Variants in TSHZ2 observed in about 807,000 individuals in gnomAD.
The protein encoded by TSHZ2 is teashirt zinc finger homeobox 2.
TSHZ2 carries 21 observed loss-of-function variants against 74.4 expected under a neutral mutation model. That is an observed-to-expected ratio of 0.28 (90% CI 0.20 to 0.41). The LOEUF (loss-of-function observed/expected upper bound fraction) is 0.41. Among genes scored for constraint, TSHZ2 ranks in the 10% least tolerant of loss-of-function variants. TSHZ2 has a pLI of 1.00. For synonymous variants in TSHZ2, 540 were observed against 515.3 expected (o/e 1.05, Z -0.65); for missense variants, 1,244 against 1,293.5 (o/e 0.96, Z 0.59).
At chr20:53,286,540 G>A (rs768549898) in intron 2 of TSHZ2, among the ~76,000 whole-genome samples, 11 of 151,928 alleles carry the variant, frequency 7.2e-5, no homozygotes, top group East Asian at 1.9e-4. Context: ...AGAAATAGCC[G>A]GCTTCTCTCC....
chr20:53,389,816 G>T (rs952667681), intron 2 of TSHZ2, among the ~76,000 whole-genome samples: 1 of 152,228 alleles, frequency 6.6e-6, no homozygotes, highest in Non-Finnish European at 1.5e-5. Flanking sequence ...GGCCAGGAAA[G>T]CTGCTAAATA....
chr20:53,318,025 C>CA (rs2145515336), intron 2 of TSHZ2, among the ~76,000 whole-genome samples: 1 of 152,302 alleles, frequency 6.6e-6, no homozygotes, highest in South Asian at 2.1e-4. Context: ...CAAGGCCAGA[C>CA]ATGTAGTAGG....
intron 2 of TSHZ2, chr20:53,461,689 T>A (rs969137828): frequency 6.6e-6 from 1 of 152,250 alleles, no homozygotes; most frequent in Non-Finnish European, 1.5e-5. Context: ...CACTCCTGCA[T>A]GCCCTTGTTG....
chr20:53,342,258 T>G (rs1980236220), intron 2 of TSHZ2, among the ~76,000 whole-genome samples: 1 of 151,130 alleles, frequency 6.6e-6, no homozygotes, highest in African/African-American at 2.4e-5. Flanking sequence ...CTACTTTCCA[T>G]GTCTCCTTGG....
intron 1 of TSHZ2, among the ~76,000 whole-genome samples, chr20:53,005,095 T>A (rs928170721): frequency 9.2e-5 from 14 of 152,040 alleles, no homozygotes; most frequent in African/African-American, 3.4e-4. Context: ...AGAGGATCAG[T>A]GAGGTCAGGA....
intron 1 of TSHZ2, among the ~76,000 whole-genome samples, chr20:53,016,386 A>G (rs1318996870): frequency 6.6e-6 from 1 of 152,210 alleles, no homozygotes; most frequent in Non-Finnish European, 1.5e-5. Flanking sequence ...TGGTGCAGTT[A>G]GCAACAAATC....
chr20:53,090,027 GCAGTCTT>G (rs1343054407), intron 1 of TSHZ2, among the ~76,000 whole-genome samples: 13 of 152,250 alleles, frequency 8.5e-5, no homozygotes, highest in Admixed American at 6.5e-4. Context: ...AGCTGACAGT[GCAGTCTT>G]CAGTTTGTGG....
At chr20:53,146,425 C>T (rs776200486) in intron 1 of TSHZ2, among the ~76,000 whole-genome samples, 3 of 152,150 alleles carry the variant, frequency 2.0e-5, no homozygotes, top group Admixed American at 6.5e-5. Context: ...GATCCCCAAG[C>T]AGCACTTTGG....
chr20:53,269,125 T>C (rs1451493036), intron 2 of TSHZ2, among the ~76,000 whole-genome samples: 7 of 152,158 alleles, frequency 4.6e-5, no homozygotes, highest in Admixed American at 3.9e-4. Flanking sequence ...GGTCAGATAG[T>C]GTACAGGGGT....
At chr20:53,214,542 G>A (rs1264829464) in intron 1 of TSHZ2, among the ~76,000 whole-genome samples, 1 of 152,156 alleles carries the variant, frequency 6.6e-6, no homozygotes, top group African/African-American at 2.4e-5. Flanking sequence ...GTGAAACCAT[G>A]TCTCTACTAA....
chr20:53,274,823 C>A (rs766435029), intron 2 of TSHZ2, among the ~76,000 whole-genome samples: 25 of 152,190 alleles, frequency 1.6e-4, no homozygotes, highest in Admixed American at 7.2e-4. Context: ...CTATCACTGT[C>A]TTCATCCCCT....
chr20:53,477,750 A>G (rs376488508), intron 2 of TSHZ2, among the ~76,000 whole-genome samples: 43,421 of 115,064 alleles, frequency 0.38, 8,334 homozygotes, highest in Admixed American at 0.39. Context: ...GAAAATTTTC[A>G]CAACCTACTC....
chr20:53,307,497 T>C (rs1978593017), intron 2 of TSHZ2, among the ~76,000 whole-genome samples: 2 of 152,122 alleles, frequency 1.3e-5, no homozygotes, highest in Admixed American at 6.5e-5. Flanking sequence ...TAGAACTTAA[T>C]TGCCTGCAGA....
At chr20:53,244,849 C>T (rs1369967352) in intron 1 of TSHZ2, among the ~76,000 whole-genome samples, 1 of 152,204 alleles carries the variant, frequency 6.6e-6, no homozygotes, top group East Asian at 1.9e-4. Context: ...ATACCACTGG[C>T]TCCTTGTACA....
chr20:53,234,975 A>G (rs1989907670), intron 1 of TSHZ2, among the ~76,000 whole-genome samples: 1 of 152,046 alleles, frequency 6.6e-6, no homozygotes. Flanking sequence ...GATGGGATCA[A>G]TTCATGGAGG....
chr20:53,133,922 A>C (rs1987172976), intron 1 of TSHZ2, among the ~76,000 whole-genome samples: 1 of 147,244 alleles, frequency 6.8e-6, no homozygotes, highest in African/African-American at 2.6e-5. Flanking sequence ...GTTCTTTATA[A>C]AAATGTTGTC....
chr20:53,012,606 C>T (rs1982891503), intron 1 of TSHZ2, among the ~76,000 whole-genome samples: 1 of 152,102 alleles, frequency 6.6e-6, no homozygotes, highest in South Asian at 2.1e-4. Context: ...CCATTTCCCT[C>T]TAGGACTTCC....
intron 1 of TSHZ2, among the ~76,000 whole-genome samples, 187 bp downstream of exon 1, chr20:52,973,520 G>T (rs943650241): frequency 6.6e-6 from 1 of 152,124 alleles, no homozygotes; most frequent in African/African-American, 2.4e-5. Flanking sequence ...TCCAAGCTCC[G>T]GTTGGGTTGG....
intron 2 of TSHZ2, among the ~76,000 whole-genome samples, chr20:53,263,963 T>G (rs1990656836): frequency 6.6e-6 from 1 of 152,180 alleles, no homozygotes; most frequent in Admixed American, 6.5e-5. Flanking sequence ...GTTCCAGGGA[T>G]TTGAGAATGA....
Sources: gnomAD v4.1 joint callset for allele counts (sites outside exome capture counted in the v4.1 genomes callset) on GRCh38, gnomAD v4.1.1 for gene constraint, MANE v1.5 for transcripts, NCBI Gene and HGNC (gene_info 2026-07-23, HGNC 2026-07-21) for gene names.